Variants in NEGR1 observed in about 807,000 individuals in gnomAD.
NEGR1 encodes IgLON family member 4.
In NEGR1, 10 loss-of-function variants were observed where a neutral mutation model predicts 40.9. The ratio of observed to expected loss-of-function variants is 0.24; its 90% confidence interval spans 0.15 to 0.42. The LOEUF is 0.42. Among genes scored for constraint, NEGR1 ranks in the 10% least tolerant of loss-of-function variants. The pLI is 1.00. For missense variants in NEGR1, 352 were observed against 438.9 expected (o/e 0.80, Z 1.77); for synonymous variants, 185 against 166.8 (o/e 1.11, Z -0.84).
rs532477234 is a variant in NEGR1, at chr1:71,528,477, C to A, written c.940+64340G>T. 5.3e-4 allele frequency among the ~76,000 whole-genome samples: 80 copies of A among 151,328 alleles called. No individual in the cohort carries two copies. In the Middle Eastern group the frequency reaches 0.01, roughly 19 times the overall value. On this transcript the variant is annotated intron_variant, in intron 6 of 6. Transcript: ENST00000357731. ...TTGCTAAATGACAAACTATATCCTTCACAGGAAATAGAAAATGGATCTTCC... is the reference window on the plus strand; with the variant it reads ...TTGCTAAATGACAAACTATATCCTTAACAGGAAATAGAAAATGGATCTTCC...
rs1033450048 is a variant in NEGR1 at position 71,566,090 on chromosome 1, C to T, written c.940+26727G>A. Among the ~76,000 whole-genome samples, 11 of 151,998 alleles carry T rather than the reference C, an allele frequency of 7.2e-5. 1 individual carries two copies. In the South Asian group the frequency reaches 1.2e-3, roughly 17 times the overall value. On this transcript the variant is annotated intron_variant, in intron 6 of 6. Transcript: ENST00000357731. ...GAATGGATTCCCCCTGAGAGCCTCC[C>T]GAAGGAAACAACCCTGCCAAAACCT...
In NEGR1 at chr1:71,399,503, A is replaced by G. The variant is rs1646232887; in HGVS notation, c.*7943T>C. On this transcript the variant is annotated 3_prime_UTR_variant, in exon 7 of 7. Coordinates refer to ENST00000357731, the MANE Select transcript of NEGR1 (RefSeq NM_173808.3). ...TGTTCCTTATGCTAACGTCTTAGCAAATAAAACTTAAACAGAAACTGTTGG... is the reference window on the plus strand; with the variant it reads ...TGTTCCTTATGCTAACGTCTTAGCAGATAAAACTTAAACAGAAACTGTTGG... 6.6e-6 allele frequency: 1 copy of G among 152,216 alleles called. No individual in the cohort carries two copies. The highest frequency in any genetic ancestry group is 1.5e-5 in the Non-Finnish European group (1 of 68,036). The allele number at this position is 152,216 out of a possible 1,614,324, so 9.4% of individuals were successfully genotyped here.
chr1:71,554,246 CA>C (rs1557564613), intron 6 of NEGR1, among the ~76,000 whole-genome samples: 3 of 151,350 alleles, frequency 2.0e-5, no homozygotes, highest in African/African-American at 7.3e-5. Flanking sequence ...GGGCACTAAA[CA>C]AGTGTAAATC....
intron 6 of NEGR1, among the ~76,000 whole-genome samples, chr1:71,465,443 G>A (rs748759214): frequency 2.0e-5 from 3 of 152,128 alleles, no homozygotes; most frequent in Admixed American, 6.6e-5. Context: ...AGTTATAATC[G>A]GATACTGTAT....
chr1:72,266,404 G>T (rs1384129119), intron 1 of NEGR1, among the ~76,000 whole-genome samples: 1 of 150,744 alleles, frequency 6.6e-6, no homozygotes, highest in Non-Finnish European at 1.5e-5. Context: ...TCTACTGAGA[G>T]AAACAAGTTT....
intron 1 of NEGR1, among the ~76,000 whole-genome samples, chr1:72,095,602 G>T (rs1648666649): frequency 6.6e-6 from 1 of 151,886 alleles, no homozygotes. Context: ...TTACATTTTT[G>T]AAAGTCGAAA....
intron 5 of NEGR1, among the ~76,000 whole-genome samples, chr1:71,610,339 A>C (rs888033936): frequency 1.3e-5 from 2 of 152,178 alleles, no homozygotes; most frequent in African/African-American, 2.4e-5. Flanking sequence ...TGATCGATTG[A>C]TAACAGAATT....
chr1:71,587,466 G>C (rs985206865), intron 6 of NEGR1, among the ~76,000 whole-genome samples: 1 of 151,602 alleles, frequency 6.6e-6, no homozygotes, highest in Non-Finnish European at 1.5e-5. Flanking sequence ...TATGAAAGGA[G>C]ACATTCCAGA....
rs1017460878 is a variant in NEGR1 at position 71,405,235 on chromosome 1, C to G, written c.*2211G>C. ...ATCCATAGTTTATACCTCAATTTAC[C>G]TACAAACCTTACAAAGAGGAGGTAT... On this transcript the variant is annotated 3_prime_UTR_variant, in exon 7 of 7. Transcript: ENST00000357731. The G allele has an allele frequency of 6.6e-6, 1 of 152,180 alleles. No individual in the cohort carries two copies. The highest frequency in any genetic ancestry group is 2.4e-5 in the African/African-American group (1 of 41,396). 9.4% of individuals were successfully genotyped at this position (152,180 alleles called of 1,614,324 possible). A position where few individuals can be genotyped will look rare whatever the true frequency, so the allele number is the denominator to read the frequency against.
intron 1 of NEGR1, among the ~76,000 whole-genome samples, chr1:72,112,003 G>C (rs1649389715): frequency 1.3e-5 from 2 of 151,656 alleles, no homozygotes; most frequent in Admixed American, 1.3e-4. Flanking sequence ...GTAATTCTGT[G>C]AAGGGAGATT....
At chr1:72,161,952 A>G (rs1651580380) in intron 1 of NEGR1, among the ~76,000 whole-genome samples, 1 of 151,846 alleles carries the variant, frequency 6.6e-6, no homozygotes, top group African/African-American at 2.4e-5. Context: ...TCTGCCTCCC[A>G]AAGTGCTGGG....
rs182390961 is a variant in NEGR1, at chr1:72,097,713, C to A, written c.177-162402G>T. Among the ~76,000 whole-genome samples, 780 of 152,250 alleles carry A rather than the reference C, an allele frequency of 5.1e-3. 7 individuals are homozygous for A. Among genetic ancestry groups the A allele is most frequent in the South Asian group, 7.0e-3 (34 of 4,824 alleles). On this transcript the variant is annotated intron_variant, in intron 1 of 6. Coordinates refer to ENST00000357731, the MANE Select transcript of NEGR1 (RefSeq NM_173808.3). Reference sequence around the variant, plus strand: ...GTGGTTCAGAGAAAACCAGGGAAATCATACAATTTCTCTAAGAACTGACAA... The same window carrying A: ...GTGGTTCAGAGAAAACCAGGGAAATAATACAATTTCTCTAAGAACTGACAA...
chr1:71,598,181 T>C (rs1186337293), intron 5 of NEGR1, among the ~76,000 whole-genome samples: 1 of 152,096 alleles, frequency 6.6e-6, no homozygotes, highest in Admixed American at 6.5e-5. Context: ...CCTCCGAAAG[T>C]AGCAACTGAC....
At chr1:71,436,392 C>T (rs1646510140) in intron 6 of NEGR1, among the ~76,000 whole-genome samples, 1 of 152,174 alleles carries the variant, frequency 6.6e-6, no homozygotes, top group Admixed American at 6.6e-5. Flanking sequence ...GCAGATGAAT[C>T]AGTGCCAGAA....
chr1:71,432,054 A>G (rs1055860880), intron 6 of NEGR1, among the ~76,000 whole-genome samples: 1 of 152,136 alleles, frequency 6.6e-6, no homozygotes, highest in Non-Finnish European at 1.5e-5. Flanking sequence ...GTAAGAGATG[A>G]TGTCGTAGAT....
chr1:71,724,710 C>T (rs1189907542), intron 3 of NEGR1, among the ~76,000 whole-genome samples: 34 of 152,092 alleles, frequency 2.2e-4, no homozygotes, highest in Admixed American at 2.2e-3. Context: ...CTAATTATCC[C>T]CTGTTATACC....
At chr1:71,814,657 G>T (rs1658133155) in intron 2 of NEGR1, among the ~76,000 whole-genome samples, 1 of 152,024 alleles carries the variant, frequency 6.6e-6, no homozygotes, top group Non-Finnish European at 1.5e-5. Context: ...TATGTATCCA[G>T]CAATTTATCC....
intron 4 of NEGR1, among the ~76,000 whole-genome samples, chr1:71,626,422 T>C (rs1310068019): frequency 7.0e-6 from 1 of 142,806 alleles, no homozygotes; most frequent in East Asian, 2.3e-4. Context: ...CCATGTATTC[T>C]CATTGTTCAA....
chr1:72,002,053 G>A (rs1445766778), intron 1 of NEGR1, among the ~76,000 whole-genome samples: 2 of 151,886 alleles, frequency 1.3e-5, no homozygotes, highest in Non-Finnish European at 2.9e-5. Context: ...CTAGTCATCT[G>A]CTGTTCTTTT....
Sources: allele counts gnomAD v4.1 joint callset (sites outside exome capture counted in the v4.1 genomes callset), GRCh38; gene constraint gnomAD v4.1.1; transcripts MANE v1.5; gene names NCBI Gene and HGNC (gene_info 2026-07-23, HGNC 2026-07-21).